RABGAP1L: variants seen among roughly 807,000 people sequenced by gnomAD.
RABGAP1L encodes the protein rab GTPase-activating protein 1-like.
RABGAP1L carries 63 observed loss-of-function variants against 137.7 expected under a neutral mutation model. The observed-to-expected ratio is 0.46, with a 90% CI of 0.37 to 0.56. The LOEUF is 0.56. RABGAP1L is among the 20% of genes least tolerant of loss of function. RABGAP1L has a pLI of 0.00. For missense variants in RABGAP1L, 1,095 were observed against 1,244.0 expected (o/e 0.88, Z 1.80); for synonymous variants, 431 against 433.7 (o/e 0.99, Z 0.08).
chr1:174,959,046 T>C (rs75077789), intron 20 of RABGAP1L, among the ~76,000 whole-genome samples: 3,052 of 152,336 alleles, frequency 0.02, 45 homozygotes, highest in Middle Eastern at 0.048. Flanking sequence ...TAGTCCCTTA[T>C]TGATTGTTCT....
chr1:174,896,445 T>G (rs917201576), intron 19 of RABGAP1L, among the ~76,000 whole-genome samples: 1 of 152,214 alleles, frequency 6.6e-6, no homozygotes, highest in African/African-American at 2.4e-5. Flanking sequence ...TTAGTTTAAT[T>G]AGATCCCATT....
chr1:174,362,656 C>T (rs1210941476), intron 11 of RABGAP1L, among the ~76,000 whole-genome samples: 2 of 151,964 alleles, frequency 1.3e-5, no homozygotes, highest in Non-Finnish European at 2.9e-5. Context: ...ATTTAAGTTC[C>T]TTATAGATGC....
At chr1:174,466,884 T>C (rs1274437773) in intron 13 of RABGAP1L, among the ~76,000 whole-genome samples, 1 of 152,250 alleles carries the variant, frequency 6.6e-6, no homozygotes. Flanking sequence ...TGTGTAATAC[T>C]GGGCATGTTA....
At chr1:174,820,230 C>T (rs1286350791) in intron 19 of RABGAP1L, among the ~76,000 whole-genome samples, 1 of 151,890 alleles carries the variant, frequency 6.6e-6, no homozygotes, top group Non-Finnish European at 1.5e-5. Flanking sequence ...TGAGGTTTGC[C>T]AATATGAGGC....
chr1:174,863,948 C>A (rs1650758528), intron 19 of RABGAP1L, among the ~76,000 whole-genome samples: 1 of 152,060 alleles, frequency 6.6e-6, no homozygotes, highest in Non-Finnish European at 1.5e-5. Flanking sequence ...CCACTGCACT[C>A]CAGCCTTGGC....
chr1:174,755,733 C>G (rs968091298), intron 18 of RABGAP1L, among the ~76,000 whole-genome samples: 1 of 152,040 alleles, frequency 6.6e-6, no homozygotes, highest in Non-Finnish European at 1.5e-5. Context: ...TATTTTTAAT[C>G]TGAGTTTGAG....
intron 14 of RABGAP1L, among the ~76,000 whole-genome samples, chr1:174,682,545 C>A (rs551132765): frequency 6.6e-6 from 1 of 152,108 alleles, no homozygotes; most frequent in African/African-American, 2.4e-5. Context: ...TATTTACTAT[C>A]CAAACTTTTA....
chr1:174,946,962 GT>G, intron 19 of RABGAP1L, among the ~76,000 whole-genome samples: 1 of 125,462 alleles, frequency 8.0e-6, no homozygotes, highest in Non-Finnish European at 1.7e-5. Flanking sequence ...GTGTGTGTGT[GT>G]GTGTGTGTGT....
chr1:174,215,603 A>G (rs993937667), intron 1 of RABGAP1L, among the ~76,000 whole-genome samples: 3 of 152,318 alleles, frequency 2.0e-5, no homozygotes, highest in South Asian at 4.1e-4. Context: ...GAGAAATGCA[A>G]ATCAAAACTA....
At chr1:174,221,197 A>C (rs1669725467) in intron 3 of RABGAP1L, 33 bp downstream of exon 3, 1 of 1,419,118 alleles carries the variant, frequency 7.0e-7, no homozygotes, top group Non-Finnish European at 9.4e-7. Context: ...ACTATTAAAG[A>C]AATGGGATAA....
intron 13 of RABGAP1L, among the ~76,000 whole-genome samples, chr1:174,466,910 C>T (rs559196202): frequency 3.5e-4 from 53 of 152,238 alleles, no homozygotes; most frequent in African/African-American, 1.1e-3. Context: ...CCCCTCTGAC[C>T]GTTGGTTTCC....
chr1:174,613,268 G>C (rs539245710), intron 13 of RABGAP1L, among the ~76,000 whole-genome samples: 1 of 151,998 alleles, frequency 6.6e-6, no homozygotes, highest in Non-Finnish European at 1.5e-5. Flanking sequence ...CTTTGTTCTC[G>C]TTGGTTTCAA....
chr1:174,560,592 A>G (rs1382108765), intron 13 of RABGAP1L, among the ~76,000 whole-genome samples: 3 of 152,182 alleles, frequency 2.0e-5, no homozygotes, highest in East Asian at 3.9e-4. Flanking sequence ...GCTTCAAGGG[A>G]TACATGTGCA....
At chr1:174,554,206 T>C (rs1446834050) in intron 13 of RABGAP1L, among the ~76,000 whole-genome samples, 1 of 152,196 alleles carries the variant, frequency 6.6e-6, no homozygotes, top group Admixed American at 6.5e-5. Flanking sequence ...CTTTTGCAAA[T>C]TGGACCAAAT....
At chr1:174,383,333 T>C (rs370074490) in intron 12 of RABGAP1L, among the ~76,000 whole-genome samples, 57,357 of 141,566 alleles carry the variant, frequency 0.41, 11,256 homozygotes, top group African/African-American at 0.63. Flanking sequence ...TCGAGCTTCC[T>C]GGCTGCTTTG....
At chr1:174,537,805 T>G (rs1163996093) in intron 13 of RABGAP1L, among the ~76,000 whole-genome samples, 1 of 152,176 alleles carries the variant, frequency 6.6e-6, no homozygotes, top group Admixed American at 6.5e-5. Flanking sequence ...AAGTTATAAT[T>G]TTTTTCAACT....
chr1:174,685,266 C>T (rs1678372782), intron 15 of RABGAP1L, among the ~76,000 whole-genome samples: 3 of 151,954 alleles, frequency 2.0e-5, no homozygotes, highest in Admixed American at 6.6e-5. Flanking sequence ...CTCTTTCTTT[C>T]TTTAGAGACA....
At chr1:174,475,289 A>G (rs777478588) in intron 13 of RABGAP1L, among the ~76,000 whole-genome samples, 2 of 152,170 alleles carry the variant, frequency 1.3e-5, no homozygotes, top group Non-Finnish European at 2.9e-5. Context: ...GGAGTATTCA[A>G]GATTCCCTTG....
At chr1:174,569,710 T>C (rs1055059012) in intron 13 of RABGAP1L, among the ~76,000 whole-genome samples, 22 of 152,214 alleles carry the variant, frequency 1.4e-4, no homozygotes, top group African/African-American at 5.1e-4. Flanking sequence ...TTACTGAAGT[T>C]AGGCCCATGT....
Sources: gnomAD v4.1 joint callset for allele counts (sites outside exome capture counted in the v4.1 genomes callset) on GRCh38, gnomAD v4.1.1 for gene constraint, MANE v1.5 for transcripts, NCBI Gene and HGNC (gene_info 2026-07-23, HGNC 2026-07-21) for gene names.